The following SUN1 variants were observed in gnomAD, a reference collection of about 807,000 sequenced individuals.
SUN1 encodes SUN domain-containing protein 1.
In SUN1, 61 loss-of-function variants were observed where a neutral mutation model predicts 103.2. That is an observed-to-expected ratio of 0.59 (90% CI 0.48 to 0.73). SUN1 has a LOEUF of 0.73. SUN1 is among the 30% of genes least tolerant of loss of function. The probability of loss-of-function intolerance (pLI) is 0.00; values close to 1 mark genes in which losing one functional copy is unlikely to be tolerated. For missense variants in SUN1, 1,052 were observed against 1,034.6 expected (o/e 1.02, Z -0.23); for synonymous variants, 490 against 425.7 (o/e 1.15, Z -1.86).
At chr7:872,114 C>T (rs1291738900) in intron 17 of SUN1, among the ~76,000 whole-genome samples, 1 of 152,242 alleles carries the variant, frequency 6.6e-6, no homozygotes, top group African/African-American at 2.4e-5. Context: ...TCAGCAGGTG[C>T]TCCAGAGCTT....
At chr7:846,602 C>T (rs7792072) in intron 5 of SUN1, among the ~76,000 whole-genome samples, 23,617 of 151,974 alleles carry the variant, frequency 0.16, 2,017 homozygotes, top group African/African-American at 0.18. Flanking sequence ...AGGCTGGGTA[C>T]TGTGGCTCAT....
At position 849,460 on chromosome 7, in the gene SUN1, C is replaced by T. The variant is rs545955968; in HGVS notation, c.659-1924C>T. Reference sequence around the variant, plus strand: ...TGATCATGTTGACTTCATCAGGGTGCGAGAAGCACTTGAGCTTGGCGTCGG... The same window carrying T: ...TGATCATGTTGACTTCATCAGGGTGTGAGAAGCACTTGAGCTTGGCGTCGG... On this transcript the variant is annotated intron_variant, in intron 5 of 18. Transcript: ENST00000401592. 48 of 1,248,764 alleles carry T rather than the reference C, an allele frequency of 3.8e-5. No homozygotes were observed. In the East Asian group the frequency reaches 2.1e-3, roughly 54 times the overall value. 77.4% of individuals were successfully genotyped at this position (1,248,764 alleles called of 1,614,324 possible).
intron 1 of SUN1, among the ~76,000 whole-genome samples, chr7:819,393 A>G (rs1783919780): frequency 1.3e-5 from 2 of 152,040 alleles, no homozygotes. Context: ...CATGCTTTTG[A>G]TGTCATACCT....
intron 1 of SUN1, chr7:817,344 C>T: frequency 2.1e-6 from 3 of 1,413,968 alleles, no homozygotes; most frequent in Admixed American, 3.9e-5. Flanking sequence ...TCGCCCCAGC[C>T]TGCCTGGAGG....
rs1484284573 is a variant in SUN1 at position 857,968 on chromosome 7, T to A, written c.1524+11T>A. ...GCCGTACAAGAAAGAGTGAGCTTTC[T>A]GCATGTTTACTTTTTGTTTTATAAT... is the stretch of plus-strand genomic sequence containing the variant. On this transcript the variant is annotated intron_variant, in intron 13 of 18. Transcript: ENST00000401592. The A allele has an allele frequency of 6.5e-7, 1 of 1,545,110 alleles. No homozygotes were observed. The highest frequency in any genetic ancestry group is 8.8e-7 in the Non-Finnish European group (1 of 1,139,390).
At chr7:848,293 C>A in intron 5 of SUN1, 1 of 861,926 alleles carries the variant, frequency 1.2e-6, no homozygotes, top group Admixed American at 3.0e-5. Flanking sequence ...GGCTCTTCCC[C>A]AAGTGATTAT....
intron 1 of SUN1, among the ~76,000 whole-genome samples, chr7:834,709 C>T (rs1053773800): frequency 3.9e-5 from 6 of 152,194 alleles, no homozygotes; most frequent in African/African-American, 1.2e-4. Flanking sequence ...TGTCTTGATT[C>T]TTAGCAATTT....
chr7:870,598 G>GA (rs907939468), intron 17 of SUN1, among the ~76,000 whole-genome samples: 101 of 151,792 alleles, frequency 6.7e-4, no homozygotes, highest in Middle Eastern at 6.8e-3. Context: ...AAAAGGAAAG[G>GA]AAAAAAAAGA....
At chr7:833,618 G>A (rs905925303) in intron 1 of SUN1, among the ~76,000 whole-genome samples, 2 of 152,182 alleles carry the variant, frequency 1.3e-5, no homozygotes, top group Admixed American at 1.3e-4. Flanking sequence ...GTCTCAGTGG[G>A]TTATCCTCTA....
At chr7:866,897 A>G (rs991378252) in intron 16 of SUN1, among the ~76,000 whole-genome samples, 1 of 151,760 alleles carries the variant, frequency 6.6e-6, no homozygotes, top group Non-Finnish European at 1.5e-5. Context: ...TGGCTGTACA[A>G]GTTTAAAGCA....
intron 1 of SUN1, among the ~76,000 whole-genome samples, chr7:836,962 G>T (rs909973307): frequency 6.6e-6 from 1 of 152,228 alleles, no homozygotes; most frequent in Non-Finnish European, 1.5e-5. Context: ...GATGGAGGGG[G>T]TCTGAGAAGG....
rs377401065 is a variant in SUN1, at chr7:848,650, A to G, written c.659-2734A>G. 4.9e-4 allele frequency: 628 copies of G among 1,291,116 alleles called. 5 individuals are homozygous for G. Among genetic ancestry groups the G allele is most frequent in the Middle Eastern group, 3.0e-4 (1 of 3,354 alleles). The allele number at this position is 1,291,116 out of a possible 1,614,324, so 80.0% of individuals were successfully genotyped here. On this transcript the variant is annotated intron_variant, in intron 5 of 18. Transcript: ENST00000401592. Reference sequence around the variant, plus strand: ...TATTTTTTCCCTCCTTTTTCCACCAATCACACTTTCGCAGTGGAGAAAGTG... The same window carrying G: ...TATTTTTTCCCTCCTTTTTCCACCAGTCACACTTTCGCAGTGGAGAAAGTG...
At chr7:836,189 G>A (rs565075496) in intron 1 of SUN1, among the ~76,000 whole-genome samples, 15 of 152,278 alleles carry the variant, frequency 9.9e-5, no homozygotes, top group Non-Finnish European at 1.9e-4. Context: ...GTGGTCAGGA[G>A]CCAGTAGAGA....
Position 846,641 on chromosome 7 carries a change from G to A in SUN1, c.658+3121G>A, listed in dbSNP as rs935089845. Reference sequence around the variant, plus strand: ...TGTAATCCCAGATCTTGTGGGAGGCGGAGGTGGGAGGATCACATGAGGCCT... The same window carrying A: ...TGTAATCCCAGATCTTGTGGGAGGCAGAGGTGGGAGGATCACATGAGGCCT... On this transcript the variant is annotated intron_variant, in intron 5 of 18. Transcript: ENST00000401592. Among the ~76,000 whole-genome samples the A allele has an allele frequency of 3.9e-5, 6 of 152,200 alleles. No homozygotes were observed. In the East Asian group the frequency reaches 5.8e-4, roughly 15 times the overall value.
chr7:865,948 T>G lies in SUN1; in HGVS notation c.1865-4T>G, dbSNP rs1836172157. ...ACTGAGACCGATCTGAACTTTGCTTTAAGGTGGCAGCATCTTGAGTACTCG... is the reference window on the plus strand; with the variant it reads ...ACTGAGACCGATCTGAACTTTGCTTGAAGGTGGCAGCATCTTGAGTACTCG... On this transcript the variant is annotated splice_region_variant and splice_polypyrimidine_tract_variant and intron_variant, in intron 15 of 18. Coordinates refer to ENST00000401592, the MANE Select transcript of SUN1 (RefSeq NM_001130965.3). The G allele has an allele frequency of 5.6e-6, 9 of 1,613,834 alleles. No individual in the cohort carries two copies. The highest frequency in any genetic ancestry group is 6.8e-6 in the Non-Finnish European group (8 of 1,179,876).
intron 1 of SUN1, 115 bp from the exon 2 acceptor site, chr7:838,683 A>T: frequency 9.2e-7 from 1 of 1,081,580 alleles, no homozygotes; most frequent in East Asian, 2.8e-5. Flanking sequence ...TCACCCAGTA[A>T]TAGTTGCTCT....
At chr7:858,114 G>C (rs529026783) in intron 13 of SUN1, among the ~76,000 whole-genome samples, 157 bp downstream of exon 13, 2 of 152,178 alleles carry the variant, frequency 1.3e-5, no homozygotes. Context: ...GCAGTGGCGC[G>C]ATCTCAGCTC....
intron 13 of SUN1, among the ~76,000 whole-genome samples, chr7:858,743 A>C (rs751961770): frequency 6.6e-6 from 1 of 152,238 alleles, no homozygotes; most frequent in African/African-American, 2.4e-5. Flanking sequence ...TGATTGGCAG[A>C]AGTCATCAAA....
intron 3 of SUN1, among the ~76,000 whole-genome samples, 188 bp downstream of exon 3, chr7:842,318 T>A (rs748759435): frequency 6.6e-6 from 1 of 152,206 alleles, no homozygotes; most frequent in Non-Finnish European, 1.5e-5. Context: ...GTTCCAGGCT[T>A]GTCCTCAGAC....
Sources: gnomAD v4.1 joint callset for allele counts (sites outside exome capture counted in the v4.1 genomes callset) on GRCh38, gnomAD v4.1.1 for gene constraint, MANE v1.5 for transcripts, NCBI Gene and HGNC (gene_info 2026-07-23, HGNC 2026-07-21) for gene names.